CPNE8: variants seen among roughly 807,000 people sequenced by gnomAD.
CPNE8 encodes the protein copine 8, also known as copine-8.
In CPNE8, 45 loss-of-function variants were observed where a neutral mutation model predicts 81.5. The observed-to-expected ratio is 0.55, with a 90% CI of 0.44 to 0.71. The LOEUF (loss-of-function observed/expected upper bound fraction) is 0.71, where lower values mean the gene tolerates loss of function less well. CPNE8 is among the 30% of genes least tolerant of loss of function. The pLI is 0.00. For missense variants in CPNE8, 594 were observed against 672.1 expected (o/e 0.88, Z 1.28); for synonymous variants, 252 against 226.3 (o/e 1.11, Z -1.02).
intron 10 of CPNE8, among the ~76,000 whole-genome samples, chr12:38,757,755 G>T (rs1941489984): frequency 6.6e-6 from 1 of 151,524 alleles, no homozygotes; most frequent in African/African-American, 2.4e-5. Flanking sequence ...ACATTAAAAA[G>T]GTATTAAACT....
At chr12:38,660,903 A>G (rs1222955542) in intron 19 of CPNE8, among the ~76,000 whole-genome samples, 9 of 152,224 alleles carry the variant, frequency 5.9e-5, no homozygotes, top group Admixed American at 3.9e-4. Flanking sequence ...CAAAACCACA[A>G]TGAGATACCA....
At chr12:38,891,731 G>A (rs1232733883) in intron 1 of CPNE8, among the ~76,000 whole-genome samples, 4 of 152,276 alleles carry the variant, frequency 2.6e-5, no homozygotes, top group Admixed American at 2.6e-4. Flanking sequence ...ACAGGCGTGA[G>A]CCACCACAAC....
rs569532853 is a variant in CPNE8, at chr12:38,709,326, G to T, written c.915-6405C>A. 3.9e-5 allele frequency among the ~76,000 whole-genome samples: 6 copies of T among 152,316 alleles called. No homozygotes were observed. The South Asian group carries it at 1.2e-3, about 32-fold the overall frequency. On this transcript the variant is annotated intron_variant, in intron 13 of 19. Transcript: ENST00000331366. ...AACTACCTGAATGACAATGCAGACA[G>T]ATGCCTCATTCCAAACTTTATTGCA...
intron 7 of CPNE8, among the ~76,000 whole-genome samples, chr12:38,775,227 T>A (rs900589876): frequency 2.6e-5 from 4 of 152,070 alleles, no homozygotes; most frequent in Non-Finnish European, 4.4e-5. Flanking sequence ...GCTCAAGTGA[T>A]CCTCCCACCT....
intron 16 of CPNE8, among the ~76,000 whole-genome samples, chr12:38,681,612 G>A (rs1471200321): frequency 6.6e-5 from 10 of 152,060 alleles, no homozygotes; most frequent in East Asian, 1.9e-4. Flanking sequence ...TTAAGTAAAG[G>A]AGCTTCATCC....
intron 6 of CPNE8, among the ~76,000 whole-genome samples, chr12:38,795,035 G>C (rs1184014080): frequency 6.6e-6 from 1 of 152,126 alleles, no homozygotes. Context: ...TCCAATATGA[G>C]ACCCCAAGTT....
intron 1 of CPNE8, among the ~76,000 whole-genome samples, chr12:38,881,671 G>T (rs185751676): frequency 0.011 from 1,641 of 152,230 alleles, 22 homozygotes; most frequent in South Asian, 0.039. Context: ...TTTTATATTC[G>T]TTCTGAAGCA....
intron 6 of CPNE8, among the ~76,000 whole-genome samples, chr12:38,797,244 C>T (rs1565621526): frequency 6.6e-6 from 1 of 152,178 alleles, no homozygotes; most frequent in South Asian, 2.1e-4. Flanking sequence ...AGACTGCCTC[C>T]TCAACTGCGT....
At chr12:38,710,483 G>C (rs1291440609) in intron 13 of CPNE8, among the ~76,000 whole-genome samples, 1 of 152,048 alleles carries the variant, frequency 6.6e-6, no homozygotes, top group Non-Finnish European at 1.5e-5. Context: ...CTGGGTCCTA[G>C]TTTTCTCATA....
intron 6 of CPNE8, among the ~76,000 whole-genome samples, chr12:38,805,774 T>C (rs1192051199): frequency 1.5e-5 from 2 of 131,008 alleles, no homozygotes; most frequent in Admixed American, 7.5e-5. Context: ...CTGAAGGAAA[T>C]AGAGACACAA....
chr12:38,811,280 T>A (rs1186315253), intron 6 of CPNE8, among the ~76,000 whole-genome samples: 1 of 151,144 alleles, frequency 6.6e-6, no homozygotes, highest in Non-Finnish European at 1.5e-5. Flanking sequence ...AATCTGTTTA[T>A]AATTCATAAA....
chr12:38,763,816 A>G (rs1941620641), intron 8 of CPNE8, among the ~76,000 whole-genome samples: 1 of 152,216 alleles, frequency 6.6e-6, no homozygotes, highest in African/African-American at 2.4e-5. Flanking sequence ...ATTATCTAAC[A>G]GTAATGACAC....
At chr12:38,700,137 T>C (rs1282742802) in intron 14 of CPNE8, among the ~76,000 whole-genome samples, 3 of 152,158 alleles carry the variant, frequency 2.0e-5, no homozygotes, top group African/African-American at 7.2e-5. Context: ...ATTTTTGTCT[T>C]GTTTTTCATC....
chr12:38,853,739 A>C (rs542411579), intron 3 of CPNE8, among the ~76,000 whole-genome samples: 1 of 152,266 alleles, frequency 6.6e-6, no homozygotes, highest in East Asian at 1.9e-4. Flanking sequence ...TTTAGGAACA[A>C]ATCTTGTAGA....
chr12:38,816,419 T>G (rs1257153170), intron 6 of CPNE8, among the ~76,000 whole-genome samples: 1 of 152,156 alleles, frequency 6.6e-6, no homozygotes, highest in Non-Finnish European at 1.5e-5. Flanking sequence ...TGATTGAGTT[T>G]TAGAAGTTTG....
intron 13 of CPNE8, among the ~76,000 whole-genome samples, chr12:38,704,117 G>T (rs114874979): frequency 2.6e-5 from 4 of 152,064 alleles, no homozygotes; most frequent in Non-Finnish European, 5.9e-5. Flanking sequence ...ATGGAAGAAG[G>T]GTGGCTTGAG....
intron 10 of CPNE8, among the ~76,000 whole-genome samples, chr12:38,739,414 A>C (rs760675512): frequency 4.6e-5 from 7 of 152,196 alleles, no homozygotes; most frequent in Non-Finnish European, 1.0e-4. Context: ...TAAAAAGTTG[A>C]GTGAGCTGCT....
At chr12:38,836,029 G>A (rs1943374294) in intron 5 of CPNE8, among the ~76,000 whole-genome samples, 1 of 152,158 alleles carries the variant, frequency 6.6e-6, no homozygotes, top group East Asian at 1.9e-4. Context: ...TTATGGGCCT[G>A]TCATTAATCC....
At chr12:38,793,446 G>A (rs1161874426) in intron 6 of CPNE8, among the ~76,000 whole-genome samples, 1 of 150,980 alleles carries the variant, frequency 6.6e-6, no homozygotes, top group Admixed American at 6.6e-5. Flanking sequence ...ATAATGAAAA[G>A]GAAATTAAGA....
Sources: gnomAD v4.1 joint callset for allele counts (sites outside exome capture counted in the v4.1 genomes callset) on GRCh38, gnomAD v4.1.1 for gene constraint, MANE v1.5 for transcripts, NCBI Gene and HGNC (gene_info 2026-07-23, HGNC 2026-07-21) for gene names.